The following XRCC1 variants were observed in gnomAD, a reference collection of about 807,000 sequenced individuals.
XRCC1 encodes the protein DNA repair protein XRCC1.
A neutral mutation model predicts 83.3 loss-of-function variants in XRCC1; 52 were observed. The ratio of observed to expected loss-of-function variants is 0.62; its 90% CI spans 0.50 to 0.79. The LOEUF is 0.79. Among genes scored for constraint, XRCC1 ranks in the 30% least tolerant of loss-of-function variants. The pLI is 0.00. For missense variants in XRCC1, 793 were observed against 823.5 expected (o/e 0.96, Z 0.45); for synonymous variants, 281 against 312.6 (o/e 0.90, Z 1.07).
In XRCC1 at chr19:43,557,941, T is replaced by C. The variant is rs191299675; in HGVS notation, c.255+2969A>G. Among the ~76,000 whole-genome samples, 197 of 152,272 alleles carry C rather than the reference T, an allele frequency of 1.3e-3. 1 individual carries two copies. The highest frequency in any genetic ancestry group is 4.7e-3 in the African/African-American group (194 of 41,554). ...AGTGATTTTTGTCAGATATCACTTATTGTACAAAGTATCTGATGTTTCCTT... is the reference window on the plus strand; with the variant it reads ...AGTGATTTTTGTCAGATATCACTTACTGTACAAAGTATCTGATGTTTCCTT... On this transcript the variant is annotated intron_variant, in intron 3 of 16. Coordinates refer to ENST00000262887, the MANE Select transcript of XRCC1 (RefSeq NM_006297.3).
rs988071543 is a variant in XRCC1, at chr19:43,565,431, T to G, written c.145-4411A>C. 2.6e-5 allele frequency among the ~76,000 whole-genome samples: 4 copies of G among 152,238 alleles called. No homozygotes were observed. In the East Asian group the frequency reaches 7.7e-4, roughly 29 times the overall value. ...AGTACTTCGGACGCAACTGCCTGACTGCAAAGCACTGTCCAATACCACCAC... is the reference window on the plus strand; with the variant it reads ...AGTACTTCGGACGCAACTGCCTGACGGCAAAGCACTGTCCAATACCACCAC... On this transcript the variant is annotated intron_variant, in intron 2 of 16. Coordinates refer to ENST00000262887, the MANE Select transcript of XRCC1 (RefSeq NM_006297.3).
intron 2 of XRCC1, among the ~76,000 whole-genome samples, chr19:43,568,040 A>G (rs1173267815): frequency 6.6e-6 from 1 of 151,450 alleles, no homozygotes; most frequent in African/African-American, 2.4e-5. Context: ...GCACCTGGCT[A>G]ATTTTTATAT....
At chr19:43,572,412 G>A (rs1182877861) in intron 2 of XRCC1, among the ~76,000 whole-genome samples, 1 of 152,212 alleles carries the variant, frequency 6.6e-6, no homozygotes, top group Non-Finnish European at 1.5e-5. Context: ...TTAGAGAAAT[G>A]AAACAATTTT....
rs767832574 is a variant in XRCC1 at position 43,543,692 on chromosome 19, C to T, written c.1713-5G>A. 1.9e-5 allele frequency: 31 copies of T among 1,613,640 alleles called. No homozygotes were observed. Among genetic ancestry groups the T allele is most frequent in the Non-Finnish European group, 2.3e-5 (27 of 1,179,862 alleles). ...CTCATATAGTCCTCGAGCTCCCTGG[C>T]GGGAGAGAAGAAAAGAGGTAGAAGG... On this transcript the variant is annotated splice_region_variant and splice_polypyrimidine_tract_variant and intron_variant, in intron 15 of 16. Transcript: ENST00000262887.
In XRCC1 at chr19:43,552,000, G is replaced by A. The variant is rs745618458; in HGVS notation, c.1082+17C>T. On this transcript the variant is annotated intron_variant, in intron 9 of 16. Transcript: ENST00000262887. The stretch of plus-strand genomic sequence containing the variant: ...GGGAGAAACTGCAGCGGCGCAGGGA[G>A]GGGGGCGCAAGCCTACATGAGGTGC... The A allele has an allele frequency of 4.3e-6, 7 of 1,609,812 alleles. No individual in the cohort carries two copies. The highest frequency in any genetic ancestry group is 1.7e-5 in the Admixed American group (1 of 59,764).
At position 43,546,609 on chromosome 19, in the gene XRCC1, T is replaced by C. The variant is rs771627631; in HGVS notation, c.1412A>G (p.Glu471Gly). ...SPVLQEDIDI[E>G]GVQSEGQDNG... ...CAGAGTCTGACCTGACTGTACCCCC[T>C]CAATGTCTATATCTTCCTGGAGCAC... Residue 471 changes from glutamate to glycine, a missense_variant, in exon 12 of 17, where the codon GAG becomes GGG. Transcript: ENST00000262887. 1.5e-4 allele frequency: 240 copies of C among 1,609,732 alleles called. No individual in the cohort carries two copies. The highest frequency in any genetic ancestry group is 2.0e-4 in the Non-Finnish European group (236 of 1,178,842).
chr19:43,553,242 GC>G, intron 6 of XRCC1, 151 bp from the exon 7 acceptor site: 1 of 1,169,662 alleles, frequency 8.5e-7, no homozygotes, highest in Non-Finnish European at 1.2e-6. Context: ...GACACAAGAG[GC>G]CAGGCCCACC....
At chr19:43,548,863 A>G (rs1972548526) in intron 10 of XRCC1, among the ~76,000 whole-genome samples, 1 of 151,750 alleles carries the variant, frequency 6.6e-6, no homozygotes, top group African/African-American at 2.4e-5. Context: ...GAGTCACTGA[A>G]TCCTGGGGTA....
chr19:43,561,657 G>C (rs1341078669), intron 2 of XRCC1, among the ~76,000 whole-genome samples: 1 of 152,220 alleles, frequency 6.6e-6, no homozygotes, highest in Non-Finnish European at 1.5e-5. Context: ...TTATTAGTCA[G>C]TGCTAGACAA....
chr19:43,574,612 G>A, intron 2 of XRCC1: 1 of 343,204 alleles, frequency 2.9e-6, no homozygotes, highest in Non-Finnish European at 5.6e-6. Flanking sequence ...ACTGGCTGCA[G>A]GAGGCAGAGT....
At position 43,553,632 on chromosome 19, in the gene XRCC1, C is replaced by G; in HGVS notation, c.466G>C (p.Asp156His). 1 of 1,566,432 alleles carries G rather than the reference C, an allele frequency of 6.4e-7. No individual in the cohort carries two copies. Among genetic ancestry groups the G allele is most frequent in the African/African-American group, 1.4e-5 (1 of 72,890 alleles). The change falls in exon 5 of 17, where the codon GAT becomes CAT. Residue 156 changes from aspartate (D) to histidine (H), a missense_variant. By Grantham distance (81) the Asp-to-His change is moderately conservative. Coordinates refer to ENST00000262887, the MANE Select transcript of XRCC1 (RefSeq NM_006297.3). ...ACCTGGGACGGGGCCTCTGCCTCAT[C>G]TTTGTCTGGGGGGCTATGAAACCGT... is the stretch of plus-strand genomic sequence containing the variant. ...FVRFHSPPDK[D>H]EAEAPSQKVT...
intron 14 of XRCC1, 89 bp downstream of exon 14, chr19:43,545,729 G>A: frequency 6.5e-7 from 1 of 1,530,176 alleles, no homozygotes; most frequent in Non-Finnish European, 8.9e-7. Context: ...CACGGGGGCA[G>A]CAGTGACCCC....
rs541772647 is a variant in XRCC1 at position 43,551,898 on chromosome 19, G to A, written c.1082+119C>T. 1.8e-5 allele frequency: 22 copies of A among 1,228,690 alleles called. No homozygotes were observed. The South Asian group carries it at 2.9e-4, about 16-fold the overall frequency. 76.1% of individuals were successfully genotyped at this position (1,228,690 alleles called of 1,614,324 possible). A position where few individuals can be genotyped will look rare whatever the true frequency, so the allele number is the denominator to read the frequency against. ...GCTACAGAATGCAGTGAGAAAGAAAGCAAGTGAGAGAGAGAGAAAGCATGC... is the reference window on the plus strand; with the variant it reads ...GCTACAGAATGCAGTGAGAAAGAAAACAAGTGAGAGAGAGAGAAAGCATGC... On this transcript the variant is annotated intron_variant, in intron 9 of 16. Transcript: ENST00000262887.
At position 43,545,807 on chromosome 19, in the gene XRCC1, G is replaced by C; in HGVS notation, c.1621+11C>G. 1.2e-6 allele frequency: 2 copies of C among 1,613,290 alleles called. No individual in the cohort carries two copies. Among genetic ancestry groups the C allele is most frequent in the Non-Finnish European group, 1.7e-6 (2 of 1,179,578 alleles). On this transcript the variant is annotated intron_variant, in intron 14 of 16. Transcript: ENST00000262887. ...AAATGCCACTTCAGGAGGGATGGGG[G>C]GATTTCCCACCTGGGAGCTCAGGGA...
chr19:43,549,609 T>G (rs1972555431), intron 10 of XRCC1, among the ~76,000 whole-genome samples: 1 of 151,954 alleles, frequency 6.6e-6, no homozygotes. Context: ...TAGACTGGAG[T>G]GCAGCGGTGC....
In XRCC1 at chr19:43,554,740, CGGTTGG is replaced by C; in HGVS notation, c.314_319del (p.Pro105_Asn106del). 6.2e-7 allele frequency: 1 copy of C among 1,613,964 alleles called. No individual in the cohort carries two copies. The highest frequency in any genetic ancestry group is 1.1e-5 in the South Asian group (1 of 91,070). On this transcript the variant is annotated inframe_deletion, in exon 4 of 17. Coordinates refer to ENST00000262887, the MANE Select transcript of XRCC1 (RefSeq NM_006297.3). ...CTTGTCAGGCCCAAACATGCGAACG[CGGTTGG>C]GGTTTGAGCCACTGCGGCTCTCGGA...
At chr19:43,544,858 A>G (rs1034853372) in intron 14 of XRCC1, among the ~76,000 whole-genome samples, 1 of 151,192 alleles carries the variant, frequency 6.6e-6, no homozygotes, top group Admixed American at 6.6e-5. Context: ...GGGTCTCACT[A>G]TGTTGCCCAG....
chr19:43,550,588 T>C (rs1031665406), intron 10 of XRCC1, among the ~76,000 whole-genome samples: 11 of 152,144 alleles, frequency 7.2e-5, no homozygotes, highest in African/African-American at 2.7e-4. Context: ...CAGTCTCCCC[T>C]CCAATTCATG....
rs779934492 is a variant in XRCC1 at position 43,551,598 on chromosome 19, C to T, written c.1172G>A (p.Arg391His). 3.7e-6 allele frequency: 6 copies of T among 1,614,168 alleles called. No individual in the cohort carries two copies. Among genetic ancestry groups the T allele is most frequent in the Admixed American group, 1.7e-5 (1 of 60,024 alleles). The change falls in exon 10 of 17, where the codon CGC (arginine) becomes CAC (histidine). Residue 391 changes from arginine (R) to histidine (H), a missense_variant. Transcript: ENST00000262887. ...CTGGGAGGGCAGCCGCCGACGCATG[C>T]GGTGACAGTCCAGCACCCACTCCTT... ...VRKEWVLDCH[R>H]MRRRLPSQRY...
Sources: gnomAD v4.1 joint callset for allele counts (sites outside exome capture counted in the v4.1 genomes callset) on GRCh38, gnomAD v4.1.1 for gene constraint, MANE v1.5 for transcripts, NCBI Gene and HGNC (gene_info 2026-07-23, HGNC 2026-07-21) for gene names.